The following SAMMSON variants were observed in gnomAD, a reference collection of about 807,000 sequenced individuals.
SAMMSON encodes survival associated mitochondrial melanoma specific oncogenic non-coding RNA, also known as long intergenic non-protein coding RNA 1212.
At chr3:70,037,216 T>C (rs1293220096) in intron 3 of SAMMSON, among the ~76,000 whole-genome samples, 2 of 152,106 alleles carry the variant, frequency 1.3e-5, no homozygotes, top group Non-Finnish European at 2.9e-5. Context: ...CTTTTGATTA[T>C]GGCTTTACCC....
At chr3:70,188,096 C>T (rs931495939) in intron 4 of SAMMSON, among the ~76,000 whole-genome samples, 1 of 152,198 alleles carries the variant, frequency 6.6e-6, no homozygotes, top group Non-Finnish European at 1.5e-5. Context: ...CACTGTCCTA[C>T]CTTTTTAAAT....
intron 4 of SAMMSON, among the ~76,000 whole-genome samples, chr3:70,228,925 G>A (rs997125803): frequency 6.6e-6 from 1 of 152,042 alleles, no homozygotes; most frequent in African/African-American, 2.4e-5. Flanking sequence ...GTGTGAGTTA[G>A]CTTTCAAATA....
At chr3:70,318,594 T>G (rs1702512202) in intron 7 of SAMMSON, among the ~76,000 whole-genome samples, 1 of 151,996 alleles carries the variant, frequency 6.6e-6, no homozygotes, top group Admixed American at 6.6e-5. Flanking sequence ...TTAAAGTCAC[T>G]TTCTGGCAAC....
chr3:70,228,717 C>T (rs1701531682), intron 4 of SAMMSON, among the ~76,000 whole-genome samples: 2 of 143,956 alleles, frequency 1.4e-5, no homozygotes, highest in South Asian at 2.2e-4. Flanking sequence ...AATGTATATT[C>T]TTCTCATTAA....
intron 4 of SAMMSON, among the ~76,000 whole-genome samples, chr3:70,160,026 G>A (rs1205966122): frequency 6.6e-6 from 1 of 151,896 alleles, no homozygotes; most frequent in Non-Finnish European, 1.5e-5. Flanking sequence ...AGATTTCTTT[G>A]TAATTTCTGG....
At chr3:70,016,899 A>C (rs1009954276) in intron 3 of SAMMSON, among the ~76,000 whole-genome samples, 3 of 152,204 alleles carry the variant, frequency 2.0e-5, no homozygotes, top group African/African-American at 7.2e-5. Flanking sequence ...ATGGTTGTAG[A>C]TATGCGGCAT....
chr3:70,060,697 A>G (rs2067184621), intron 3 of SAMMSON, among the ~76,000 whole-genome samples: 1 of 152,124 alleles, frequency 6.6e-6, no homozygotes, highest in Non-Finnish European at 1.5e-5. Context: ...AACATCCTAC[A>G]ATGCACAGGA....
chr3:70,345,761 GT>G (rs35590090), intron 7 of SAMMSON, among the ~76,000 whole-genome samples: 8 of 151,596 alleles, frequency 5.3e-5, no homozygotes, highest in Non-Finnish European at 7.4e-5. Context: ...TTTTCAGACT[GT>G]TTTTTTTAAC....
intron 3 of SAMMSON, among the ~76,000 whole-genome samples, chr3:70,061,519 C>T (rs2067190416): frequency 1.3e-5 from 2 of 152,148 alleles, no homozygotes; most frequent in South Asian, 2.1e-4. Context: ...TCTGGGTTCT[C>T]GTTTCTGCAT....
At chr3:70,119,731 A>ATTTT (rs1400862425) in intron 4 of SAMMSON, among the ~76,000 whole-genome samples, 2 of 152,158 alleles carry the variant, frequency 1.3e-5, no homozygotes, top group Non-Finnish European at 2.9e-5. Context: ...AATGTTTTTA[A>ATTTT]TTTGTGTGTA....
intron 4 of SAMMSON, among the ~76,000 whole-genome samples, chr3:70,213,024 G>T (rs879469486): frequency 6.6e-6 from 1 of 152,050 alleles, no homozygotes; most frequent in African/African-American, 2.4e-5. Flanking sequence ...GCCTGGGCTG[G>T]TCTTGAATTC....
intron 7 of SAMMSON, among the ~76,000 whole-genome samples, chr3:70,301,070 G>A (rs535235452): frequency 2.0e-5 from 3 of 151,944 alleles, no homozygotes; most frequent in African/African-American, 2.4e-5. Context: ...TAAAAAAGAC[G>A]ATGTTAGCTA....
rs200274528 is a variant in SAMMSON, at chr3:70,254,858, T to C, written n.674+5188T>C. ...TATTTATGCATCCCTTATTTCTGTT[T>C]AAAAAACTGAGAGCATATTATATAA... On this transcript the variant is annotated intron_variant and non_coding_transcript_variant, in intron 6 of 9. Coordinates refer to ENST00000642114, the Ensembl canonical transcript of SAMMSON. Among the ~76,000 whole-genome samples the C allele has an allele frequency of 4.6e-5, 7 of 152,338 alleles. No individual in the cohort carries two copies. In the East Asian group the frequency reaches 1.2e-3, roughly 25 times the overall value.
chr3:70,198,592 T>C (rs1362733885), intron 4 of SAMMSON, among the ~76,000 whole-genome samples: 2 of 152,180 alleles, frequency 1.3e-5, no homozygotes, highest in African/African-American at 4.8e-5. Context: ...TTCCTCTTTT[T>C]CTCTCCATCC....
rs2067030927 is a variant in SAMMSON, at chr3:70,024,819, T to G, written n.417+11147T>G. On this transcript the variant is annotated intron_variant and non_coding_transcript_variant, in intron 3 of 9. Coordinates refer to ENST00000642114, the Ensembl canonical transcript of SAMMSON. ...TCTGTTTGCTTCTACCTTGTGCAGA[T>G]CTTGGATCTTAACATTGATAGCAAA... 3 of 152,340 alleles carry G rather than the reference T, an allele frequency of 2.0e-5. No homozygotes were observed. The South Asian group carries it at 6.2e-4, about 32-fold the overall frequency. The allele number at this position is 152,340 out of a possible 1,614,324, so 9.4% of individuals were successfully genotyped here.
rs77496105 is a variant in SAMMSON, at chr3:70,111,335, A to C, written n.507+39770A>C. ...AAAATAAATACTCAAGTGATTTATA[A>C]ATACTGGGAATCATCCAGAATAATG... On this transcript the variant is annotated intron_variant and non_coding_transcript_variant, in intron 4 of 9. Transcript: ENST00000642114. Among the ~76,000 whole-genome samples, 562 of 152,340 alleles carry C rather than the reference A, an allele frequency of 3.7e-3. 3 individuals are homozygous for C. The highest frequency in any genetic ancestry group is 0.013 in the African/African-American group (534 of 41,578).
chr3:70,274,094 C>A (rs62256478), intron 6 of SAMMSON, among the ~76,000 whole-genome samples: 3 of 51,252 alleles, frequency 5.9e-5, no homozygotes, highest in South Asian at 1.0e-3. Flanking sequence ...TGTGTGTGCG[C>A]GCGCGCATGT....
intron 4 of SAMMSON, chr3:70,204,904 G>A (rs1225808687): frequency 1.3e-5 from 2 of 152,056 alleles, no homozygotes; most frequent in Admixed American, 1.3e-4. Flanking sequence ...CACATGATGA[G>A]TAGCATCCAC....
intron 4 of SAMMSON, chr3:70,125,615 T>C (rs906910905): frequency 4.4e-5 from 31 of 699,704 alleles, no homozygotes; most frequent in Non-Finnish European, 4.7e-5. Flanking sequence ...TCTAAATCTT[T>C]CTTAAATGCA....
Sources: allele counts gnomAD v4.1 joint callset (sites outside exome capture counted in the v4.1 genomes callset), GRCh38; gene constraint gnomAD v4.1.1; transcripts MANE v1.5; gene names NCBI Gene and HGNC (gene_info 2026-07-23, HGNC 2026-07-21).